Variants in MEIS1 observed in about 807,000 individuals in gnomAD.
MEIS1 encodes the protein homeobox protein Meis1.
Under a neutral mutation model 50.8 loss-of-function variants are expected in MEIS1, and 5 were observed. That is an observed-to-expected ratio of 0.10 (90% confidence interval 0.05 to 0.21). The LOEUF (loss-of-function observed/expected upper bound fraction) is 0.21, where lower values mean the gene tolerates loss of function less well. Among genes scored for constraint, MEIS1 ranks in the 10% least tolerant of loss-of-function variants. MEIS1 has a pLI of 1.00. For synonymous variants in MEIS1, 176 were observed against 179.3 expected (o/e 0.98, Z 0.15); for missense variants, 318 against 517.3 (o/e 0.61, Z 3.74).
At chr2:66,529,553 C>T (rs966133879) in intron 8 of MEIS1, among the ~76,000 whole-genome samples, 2 of 152,180 alleles carry the variant, frequency 1.3e-5, no homozygotes, top group African/African-American at 4.8e-5. Context: ...CCTCCTGCCT[C>T]GGCCTCCTGA....
intron 7 of MEIS1, among the ~76,000 whole-genome samples, chr2:66,506,742 C>G (rs1337693046): frequency 1.3e-5 from 2 of 152,170 alleles, no homozygotes; most frequent in African/African-American, 4.8e-5. Context: ...GAAGGGATGT[C>G]TATAATTCTT....
intron 9 of MEIS1, among the ~76,000 whole-genome samples, chr2:66,552,520 G>A (rs1431833983): frequency 2.0e-5 from 3 of 152,074 alleles, no homozygotes; most frequent in African/African-American, 7.2e-5. Context: ...TCAGAACTAT[G>A]GTACTCTACA....
At chr2:66,452,099 T>C (rs765224024) in intron 6 of MEIS1, among the ~76,000 whole-genome samples, 10 of 151,944 alleles carry the variant, frequency 6.6e-5, no homozygotes, top group Non-Finnish European at 1.3e-4. Flanking sequence ...ACTTTAGCAG[T>C]ACAATTAATT....
intron 8 of MEIS1, among the ~76,000 whole-genome samples, chr2:66,533,334 C>T (rs1674439611): frequency 6.6e-6 from 1 of 152,150 alleles, no homozygotes. Flanking sequence ...ATTTTTCCCC[C>T]ATAGACTTTA....
chr2:66,523,588 G>A (rs373529782), intron 8 of MEIS1, among the ~76,000 whole-genome samples: 1 of 152,200 alleles, frequency 6.6e-6, no homozygotes, highest in South Asian at 2.1e-4. Context: ...TGACGTGTAT[G>A]TTGAAGTGAA....
chr2:66,443,656 A>C (rs886540026), intron 6 of MEIS1: 2 of 152,300 alleles, frequency 1.3e-5, no homozygotes, highest in African/African-American at 4.8e-5. Context: ...TAATAGAAAA[A>C]ATAAGACCAG....
At chr2:66,558,279 C>CAA (rs59017279) in intron 9 of MEIS1, among the ~76,000 whole-genome samples, 584 of 57,026 alleles carry the variant, frequency 0.01, 5 homozygotes, top group Middle Eastern at 0.025. Context: ...AACTCCATCT[C>CAA]AAAAAAAAAA....
chr2:66,546,894 A>G (rs1023620358), intron 8 of MEIS1, among the ~76,000 whole-genome samples: 13 of 152,184 alleles, frequency 8.5e-5, no homozygotes, highest in Non-Finnish European at 1.3e-4. Flanking sequence ...TTATTAATTA[A>G]ATTAAAAGCT....
At chr2:66,470,524 C>T (rs962583691) in intron 7 of MEIS1, among the ~76,000 whole-genome samples, 1 of 152,086 alleles carries the variant, frequency 6.6e-6, no homozygotes, top group Non-Finnish European at 1.5e-5. Context: ...TTCTGGTTTC[C>T]ACCTGCTTGA....
intron 9 of MEIS1, among the ~76,000 whole-genome samples, chr2:66,558,044 C>T (rs1268692080): frequency 6.6e-6 from 1 of 151,898 alleles, no homozygotes; most frequent in Non-Finnish European, 1.5e-5. Context: ...TTTTGGGAGG[C>T]CGAGGGAGGC....
At chr2:66,464,654 C>A (rs534119097) in intron 7 of MEIS1, among the ~76,000 whole-genome samples, 12 of 152,284 alleles carry the variant, frequency 7.9e-5, no homozygotes, top group Non-Finnish European at 1.5e-4. Flanking sequence ...AGCACATGCT[C>A]GGCTTCCCTC....
chr2:66,479,609 G>A (rs865891908), intron 7 of MEIS1, among the ~76,000 whole-genome samples: 26 of 152,236 alleles, frequency 1.7e-4, no homozygotes, highest in South Asian at 1.0e-3. Context: ...TAGACTTATG[G>A]TGCCAAAATG....
intron 8 of MEIS1, among the ~76,000 whole-genome samples, chr2:66,540,846 T>C (rs550125444): frequency 1.3e-5 from 2 of 152,210 alleles, no homozygotes; most frequent in South Asian, 2.1e-4. Flanking sequence ...ATCTAAAACA[T>C]TGTTATTTTA....
Position 66,556,477 on chromosome 2 carries a change from T to C in MEIS1, c.965+8458T>C, listed in dbSNP as rs576351887. 3.5e-5 allele frequency among the ~76,000 whole-genome samples: 5 copies of C among 142,012 alleles called. No homozygotes were observed. The East Asian group carries it at 1.1e-3, about 31-fold the overall frequency. 93.2% of individuals were successfully genotyped at this position (142,012 alleles called of 152,430 possible). A position where few individuals can be genotyped will look rare whatever the true frequency, so the allele number is the denominator to read the frequency against. On this transcript the variant is annotated intron_variant, in intron 9 of 12. Transcript: ENST00000272369. ...CTGCCTTTGGTGAGATCTGGCTTAA[T>C]ATTGATAAAGTCACTTTTTTTTTTT...
At chr2:66,500,165 G>C (rs769732131) in intron 7 of MEIS1, among the ~76,000 whole-genome samples, 10 of 152,176 alleles carry the variant, frequency 6.6e-5, no homozygotes, top group South Asian at 2.1e-4. Flanking sequence ...TTTCTCTGTA[G>C]AAAGTATACG....
At chr2:66,544,878 A>C (rs1674752228) in intron 8 of MEIS1, among the ~76,000 whole-genome samples, 1 of 152,284 alleles carries the variant, frequency 6.6e-6, no homozygotes, top group Non-Finnish European at 1.5e-5. Flanking sequence ...TGAAATTTGC[A>C]CTGAAATTTT....
chr2:66,469,960 A>G (rs755778164), intron 7 of MEIS1, among the ~76,000 whole-genome samples: 1 of 152,196 alleles, frequency 6.6e-6, no homozygotes, highest in African/African-American at 2.4e-5. Context: ...AAAATCTAAC[A>G]TATTTTACAA....
chr2:66,458,836 C>A (rs1472379116), intron 6 of MEIS1, among the ~76,000 whole-genome samples: 1 of 152,132 alleles, frequency 6.6e-6, no homozygotes, highest in Non-Finnish European at 1.5e-5. Context: ...TTTGTGATGT[C>A]TCTCATATGG....
intron 9 of MEIS1, among the ~76,000 whole-genome samples, chr2:66,551,499 A>G (rs1348864911): frequency 3.3e-5 from 5 of 152,202 alleles, no homozygotes; most frequent in Non-Finnish European, 7.3e-5. Context: ...TGGCATCAGT[A>G]CTTACAGCAT....
Sources: allele counts gnomAD v4.1 joint callset (sites outside exome capture counted in the v4.1 genomes callset), GRCh38; gene constraint gnomAD v4.1.1; transcripts MANE v1.5; gene names NCBI Gene and HGNC (gene_info 2026-07-23, HGNC 2026-07-21).